The following CNTNAP2 variants were observed in gnomAD, a reference collection of about 807,000 sequenced individuals.
CNTNAP2 encodes contactin-associated protein-like 2.
A neutral mutation model predicts 155.2 loss-of-function variants in CNTNAP2; 98 were observed. The observed-to-expected ratio is 0.63, with a 90% CI of 0.54 to 0.75. The LOEUF is 0.75. Ranked by LOEUF, CNTNAP2 falls within the 30% of genes least tolerant of loss-of-function variation. The pLI is 0.00. For synonymous variants in CNTNAP2, 651 were observed against 631.2 expected (o/e 1.03, Z -0.47); for missense variants, 1,727 against 1,688.1 (o/e 1.02, Z -0.40).
intron 20 of CNTNAP2, among the ~76,000 whole-genome samples, chr7:148,247,261 G>C (rs892857589): frequency 6.6e-6 from 1 of 152,020 alleles, no homozygotes; most frequent in Non-Finnish European, 1.5e-5. Context: ...ACCATTTATT[G>C]TGTTTTTCTA....
chr7:147,203,932 A>T (rs1204353030), intron 8 of CNTNAP2, among the ~76,000 whole-genome samples: 1 of 152,106 alleles, frequency 6.6e-6, no homozygotes. Flanking sequence ...TAGGGAGGGG[A>T]TGTGAAGATA....
intron 12 of CNTNAP2, among the ~76,000 whole-genome samples, chr7:147,607,284 G>A (rs1396305524): frequency 6.6e-6 from 1 of 152,038 alleles, no homozygotes; most frequent in East Asian, 1.9e-4. Context: ...CAGAAGATCA[G>A]AGAGACTTTG....
intron 1 of CNTNAP2, among the ~76,000 whole-genome samples, chr7:146,312,772 C>A (rs749051009): frequency 6.6e-6 from 1 of 152,096 alleles, no homozygotes; most frequent in Non-Finnish European, 1.5e-5. Context: ...CTGAAATAGA[C>A]CACTTTAGAG....
At chr7:146,675,673 G>A (rs936786990) in intron 1 of CNTNAP2, among the ~76,000 whole-genome samples, 2 of 152,130 alleles carry the variant, frequency 1.3e-5, no homozygotes, top group Non-Finnish European at 2.9e-5. Flanking sequence ...CACACCATAG[G>A]AGCTTAATAA....
chr7:147,100,787 T>G (rs115397399), intron 4 of CNTNAP2, among the ~76,000 whole-genome samples: 1 of 152,302 alleles, frequency 6.6e-6, no homozygotes, highest in African/African-American at 2.4e-5. Context: ...GATGTTTCAA[T>G]CAGTTTAGAA....
chr7:146,480,687 CTTTTTTTTTTT>C (rs34440695), intron 1 of CNTNAP2, among the ~76,000 whole-genome samples: 1 of 121,222 alleles, frequency 8.2e-6, no homozygotes, highest in African/African-American at 3.2e-5. Flanking sequence ...TTTTTTTTTC[CTTTTTTTTTTT>C]TTTTTTTTTA....
At chr7:148,077,934 C>T (rs1803523458) in intron 15 of CNTNAP2, among the ~76,000 whole-genome samples, 1 of 152,174 alleles carries the variant, frequency 6.6e-6, no homozygotes, top group Non-Finnish European at 1.5e-5. Context: ...AACTCCTTCT[C>T]ATACAAAGTC....
At chr7:147,824,778 T>A (rs1227482449) in intron 13 of CNTNAP2, among the ~76,000 whole-genome samples, 3 of 152,082 alleles carry the variant, frequency 2.0e-5, no homozygotes, top group African/African-American at 7.2e-5. Context: ...ATTTAAGAAG[T>A]AAGAGAAGTG....
intron 1 of CNTNAP2, among the ~76,000 whole-genome samples, chr7:146,189,383 A>G (rs1798670238): frequency 6.6e-6 from 1 of 152,198 alleles, no homozygotes; most frequent in Admixed American, 6.6e-5. Context: ...TCAATAAATT[A>G]AATAGGTTTC....
chr7:148,133,330 C>T (rs1173930911), intron 16 of CNTNAP2, among the ~76,000 whole-genome samples: 7 of 152,018 alleles, frequency 4.6e-5, no homozygotes, highest in East Asian at 1.9e-4. Context: ...GGCATGGTGG[C>T]GTGCGCCTGT....
At chr7:147,435,622 C>G (rs1797537130) in intron 10 of CNTNAP2, among the ~76,000 whole-genome samples, 1 of 152,168 alleles carries the variant, frequency 6.6e-6, no homozygotes, top group African/African-American at 2.4e-5. Context: ...ATCCAATGTT[C>G]TAATTTCTAA....
At chr7:148,196,454 A>G (rs1447532186) in intron 18 of CNTNAP2, among the ~76,000 whole-genome samples, 1 of 152,148 alleles carries the variant, frequency 6.6e-6, no homozygotes, top group Non-Finnish European at 1.5e-5. Context: ...GGGAGTGAGC[A>G]GAGGAGTTTG....
chr7:148,093,799 G>A (rs1233480162), intron 15 of CNTNAP2, among the ~76,000 whole-genome samples: 1 of 152,104 alleles, frequency 6.6e-6, no homozygotes, highest in Non-Finnish European at 1.5e-5. Context: ...TTTTGAGAGA[G>A]AGTCTCACTC....
chr7:148,111,794 A>G (rs574866458), intron 15 of CNTNAP2, among the ~76,000 whole-genome samples: 69 of 152,340 alleles, frequency 4.5e-4, no homozygotes, highest in African/African-American at 1.6e-3. Flanking sequence ...GAGTTTCTCA[A>G]TTAAGTGCGA....
intron 10 of CNTNAP2, among the ~76,000 whole-genome samples, chr7:147,413,299 G>A (rs147255380): frequency 8.7e-4 from 132 of 152,304 alleles, no homozygotes; most frequent in Admixed American, 1.9e-3. Context: ...GAATGGAAGC[G>A]TTGGAGAAAA....
Position 147,668,768 on chromosome 7 carries a change from C to T in CNTNAP2, c.2098+29462C>T, listed in dbSNP as rs28782807. Reference sequence around the variant, plus strand: ...TTATAAAGTAAAAATTTATAATAAGCTAAGGTTAATTATCAAAGAGAAAAG... The same window carrying T: ...TTATAAAGTAAAAATTTATAATAAGTTAAGGTTAATTATCAAAGAGAAAAG... On this transcript the variant is annotated intron_variant, in intron 13 of 23. Transcript: ENST00000361727. 9.3e-3 allele frequency among the ~76,000 whole-genome samples: 1,416 copies of T among 151,470 alleles called. 24 individuals carry two copies. The highest frequency in any genetic ancestry group is 0.033 in the African/African-American group (1,344 of 41,296).
intron 20 of CNTNAP2, among the ~76,000 whole-genome samples, chr7:148,262,862 C>T (rs1175248190): frequency 6.6e-6 from 1 of 152,114 alleles, no homozygotes; most frequent in African/African-American, 2.4e-5. Context: ...CCTGGAGAGC[C>T]CTGATCCGAT....
intron 1 of CNTNAP2, among the ~76,000 whole-genome samples, chr7:146,629,373 A>G (rs1403953590): frequency 2.0e-5 from 3 of 152,192 alleles, no homozygotes; most frequent in Admixed American, 6.6e-5. Context: ...CAGGAAGTTA[A>G]TACTTTTCTT....
chr7:147,368,025 C>A (rs1440235323), intron 9 of CNTNAP2, among the ~76,000 whole-genome samples: 2 of 117,050 alleles, frequency 1.7e-5, no homozygotes, highest in Non-Finnish European at 3.6e-5. Flanking sequence ...CCCCCCCTCC[C>A]CCTCCTCCTC....
Sources: allele counts gnomAD v4.1 joint callset (sites outside exome capture counted in the v4.1 genomes callset), GRCh38; gene constraint gnomAD v4.1.1; transcripts MANE v1.5; gene names NCBI Gene and HGNC (gene_info 2026-07-23, HGNC 2026-07-21).